PREX2: variants seen among roughly 807,000 people sequenced by gnomAD.
PREX2 encodes the protein phosphatidylinositol 3,4,5-trisphosphate-dependent Rac exchanger 2 protein.
PREX2 carries 107 observed loss-of-function variants against 203.2 expected under a neutral mutation model. That is an observed-to-expected ratio of 0.53 (90% CI 0.45 to 0.62). PREX2 has a LOEUF of 0.62. Among genes scored for constraint, PREX2 ranks in the 20% least tolerant of loss-of-function variants. PREX2 has a pLI of 0.00. For synonymous variants in PREX2, 672 were observed against 663.6 expected, an observed-to-expected ratio of 1.01 and a Z score of -0.19; for missense variants, 1,777 against 1,955.9, an observed-to-expected ratio of 0.91 and a Z score of 1.72.
intron 1 of PREX2, among the ~76,000 whole-genome samples, chr8:68,001,159 C>T (rs924570973): frequency 6.6e-6 from 1 of 152,088 alleles, no homozygotes; most frequent in African/African-American, 2.4e-5. Context: ...AAACAGACAA[C>T]GTACCCAATA....
At chr8:68,051,735 CA>C (rs375023427) in intron 8 of PREX2, among the ~76,000 whole-genome samples, 1 of 151,948 alleles carries the variant, frequency 6.6e-6, no homozygotes, top group African/African-American at 2.4e-5. Context: ...AATAAAAGTA[CA>C]AAAAATCTTT....
intron 18 of PREX2, among the ~76,000 whole-genome samples, chr8:68,085,583 G>T (rs975079807): frequency 5.9e-5 from 9 of 152,098 alleles, no homozygotes; most frequent in Admixed American, 5.9e-4. Context: ...AGACTTTGTA[G>T]CAGATAATTT....
chr8:68,177,967 T>C (rs1409382436), intron 35 of PREX2, among the ~76,000 whole-genome samples: 2 of 152,236 alleles, frequency 1.3e-5, no homozygotes, highest in Admixed American at 6.5e-5. Flanking sequence ...AAGGACATGA[T>C]CTCATTCCTC....
chr8:68,229,942 G>A (rs185797014), intron 39 of PREX2, among the ~76,000 whole-genome samples: 72 of 152,264 alleles, frequency 4.7e-4, no homozygotes, highest in African/African-American at 1.7e-3. Flanking sequence ...AAGTACATCG[G>A]GTCAATTGAA....
At chr8:68,050,747 T>C (rs1808504544) in intron 8 of PREX2, among the ~76,000 whole-genome samples, 2 of 152,286 alleles carry the variant, frequency 1.3e-5, no homozygotes, top group South Asian at 4.1e-4. Context: ...ACAGGCTCAA[T>C]TGGTCAGGCC....
At chr8:68,044,387 A>C (rs1808282067) in intron 7 of PREX2, 100 bp from the exon 8 acceptor site, 1 of 761,820 alleles carries the variant, frequency 1.3e-6, no homozygotes, top group Admixed American at 2.2e-5. Context: ...TTGTCGATTG[A>C]ATTGGTGTCT....
intron 7 of PREX2, among the ~76,000 whole-genome samples, chr8:68,040,306 G>A (rs1028937868): frequency 7.2e-5 from 11 of 152,110 alleles, no homozygotes; most frequent in South Asian, 4.2e-4. Context: ...GACTATAGGC[G>A]TGAGCCACCG....
intron 25 of PREX2, among the ~76,000 whole-genome samples, chr8:68,115,455 C>G (rs1297874621): frequency 6.6e-6 from 1 of 152,220 alleles, no homozygotes; most frequent in Admixed American, 6.5e-5. Context: ...CTCATTATCT[C>G]CATTTCACAA....
chr8:67,966,430 GT>G lies in PREX2; in HGVS notation c.141+13906del, dbSNP rs11448237. Among the ~76,000 whole-genome samples the G allele has an allele frequency of 5.5e-3, 813 of 148,218 alleles. 8 individuals are homozygous for G. The highest frequency in any genetic ancestry group is 0.015 in the African/African-American group (628 of 40,526). On this transcript the variant is annotated intron_variant, in intron 1 of 39. Coordinates refer to ENST00000288368, the MANE Select transcript of PREX2 (RefSeq NM_024870.4). ...AATATGTGTTAAGTAAAATCTACAG[GT>G]TTTTTTTTTTCCAAATAATACAGAA...
chr8:68,136,013 G>A (rs1236063150), intron 32 of PREX2, among the ~76,000 whole-genome samples: 1 of 152,172 alleles, frequency 6.6e-6, no homozygotes, highest in African/African-American at 2.4e-5. Flanking sequence ...ATGGTGAAAT[G>A]TACTAACTAG....
intron 35 of PREX2, among the ~76,000 whole-genome samples, chr8:68,180,657 C>T (rs1812066767): frequency 6.6e-6 from 1 of 152,000 alleles, no homozygotes; most frequent in South Asian, 2.1e-4. Flanking sequence ...GGTGCCAGGG[C>T]AAAGTCAAAA....
chr8:67,975,816 G>A (rs913160764), intron 1 of PREX2, among the ~76,000 whole-genome samples: 10 of 138,640 alleles, frequency 7.2e-5, no homozygotes, highest in Non-Finnish European at 1.4e-4. Context: ...TGATTCTCCT[G>A]CCTCAGCCTC....
intron 37 of PREX2, among the ~76,000 whole-genome samples, chr8:68,206,494 A>C (rs1297403524): frequency 1.3e-5 from 2 of 152,176 alleles, no homozygotes; most frequent in African/African-American, 4.8e-5. Context: ...GATAGGGAGG[A>C]CTATGAAAAA....
chr8:68,199,756 C>A (rs902098355), intron 37 of PREX2, among the ~76,000 whole-genome samples: 61 of 152,134 alleles, frequency 4.0e-4, no homozygotes, highest in African/African-American at 1.4e-3. Context: ...TTAAAGGACT[C>A]TTTCTTTGTA....
intron 35 of PREX2, among the ~76,000 whole-genome samples, chr8:68,168,207 A>G (rs1811801715): frequency 6.6e-6 from 1 of 152,202 alleles, no homozygotes; most frequent in Admixed American, 6.5e-5. Context: ...TGTGTTTATC[A>G]AAGTATTTTG....
intron 20 of PREX2, among the ~76,000 whole-genome samples, chr8:68,092,136 G>A (rs1321048251): frequency 3.3e-5 from 5 of 152,060 alleles, no homozygotes; most frequent in East Asian, 1.9e-4. Context: ...AGTCTCTAAC[G>A]GGGTTTTCTT....
chr8:68,181,781 A>T (rs1015505368), intron 35 of PREX2, among the ~76,000 whole-genome samples: 6 of 152,160 alleles, frequency 3.9e-5, no homozygotes, highest in Admixed American at 2.0e-4. Context: ...GAAATTAATT[A>T]TACATTTATT....
At chr8:68,005,179 G>A (rs146975910) in intron 1 of PREX2, among the ~76,000 whole-genome samples, 574 of 152,146 alleles carry the variant, frequency 3.8e-3, no homozygotes, top group Non-Finnish European at 5.9e-3. Context: ...GCAGTTGCTC[G>A]GGCCCAAAAT....
intron 1 of PREX2, among the ~76,000 whole-genome samples, chr8:68,001,074 A>T (rs1255911726): frequency 6.6e-6 from 1 of 152,240 alleles, no homozygotes; most frequent in African/African-American, 2.4e-5. Context: ...CAAAGCAATC[A>T]TAACAAAAGC....
Sources: allele counts gnomAD v4.1 joint callset (sites outside exome capture counted in the v4.1 genomes callset), GRCh38; gene constraint gnomAD v4.1.1; transcripts MANE v1.5; gene names NCBI Gene and HGNC (gene_info 2026-07-23, HGNC 2026-07-21).